Variants in PDXK observed in about 807,000 individuals in gnomAD.
PDXK encodes the protein epididymis secretory sperm binding protein Li 1a.
A neutral mutation model predicts 43.2 loss-of-function variants in PDXK; 15 were observed. That is an observed-to-expected ratio of 0.35 (90% CI 0.23 to 0.53). The LOEUF (loss-of-function observed/expected upper bound fraction) is 0.53. Ranked by LOEUF, PDXK falls within the 20% of genes least tolerant of loss-of-function variation. The pLI is 0.92. For missense variants in PDXK, 343 were observed against 417.0 expected (o/e 0.82, Z 1.54); for synonymous variants, 172 against 165.4 (o/e 1.04, Z -0.31).
In PDXK at chr21:43,756,135, G is replaced by A. The variant is rs913586654; in HGVS notation, c.*72G>A. 38 of 868,402 alleles carry A rather than the reference G, an allele frequency of 4.4e-5. No individual in the cohort carries two copies. In the East Asian group the frequency reaches 8.8e-4, roughly 20 times the overall value. 53.8% of individuals were successfully genotyped at this position (868,402 alleles called of 1,614,324 possible). On this transcript the variant is annotated 3_prime_UTR_variant, in exon 11 of 11. Coordinates refer to ENST00000291565, the MANE Select transcript of PDXK (RefSeq NM_003681.5). ...GTTTGTCCCTGTGAAAACATGTAAC[G>A]TCTGCCTTAGAGCCATGACCGAAAC...
intron 1 of PDXK, among the ~76,000 whole-genome samples, chr21:43,724,302 C>G (rs1240973221): frequency 6.6e-6 from 1 of 152,152 alleles, no homozygotes; most frequent in Non-Finnish European, 1.5e-5. Context: ...GATGTCAGCA[C>G]CTGACTCCTA....
chr21:43,755,693 T>G lies in PDXK; in HGVS notation c.760-5T>G. 1.2e-6 allele frequency: 2 copies of G among 1,612,684 alleles called. No homozygotes were observed. The highest frequency in any genetic ancestry group is 1.7e-6 in the Non-Finnish European group (2 of 1,178,720). ...AGGGGCACAGCAAGTCTGTCCTCCC[T>G]GCAGGTGGCCTGTGAGAAGACCGTG... On this transcript the variant is annotated splice_polypyrimidine_tract_variant and splice_region_variant and intron_variant, in intron 9 of 10. Coordinates refer to ENST00000291565, the MANE Select transcript of PDXK (RefSeq NM_003681.5).
intron 9 of PDXK, among the ~76,000 whole-genome samples, chr21:43,755,090 G>A (rs545753850): frequency 1.3e-5 from 2 of 152,368 alleles, no homozygotes; most frequent in Admixed American, 6.5e-5. Context: ...TCACTGCCAG[G>A]CCGCCCAAGG....
At position 43,729,254 on chromosome 21, in the gene PDXK, A is replaced by AT. The variant is rs1397117756; in HGVS notation, c.88-4815_88-4814insT. Among the ~76,000 whole-genome samples, 4 of 152,382 alleles carry AT rather than the reference A, an allele frequency of 2.6e-5. No homozygotes were observed. The East Asian group carries it at 7.7e-4, about 29-fold the overall frequency. ...GTCCTGTGGCAGCAGTGGGTTTGTC[A>AT]GAGGCCGGGGGCTTTGGCCAGGGCC... On this transcript the variant is annotated intron_variant, in intron 1 of 10. Coordinates refer to ENST00000291565, the MANE Select transcript of PDXK (RefSeq NM_003681.5).
chr21:43,736,815 T>C (rs973339037), intron 2 of PDXK: 7 of 638,058 alleles, frequency 1.1e-5, no homozygotes, highest in Non-Finnish European at 2.0e-5. Context: ...CTATTTTTCA[T>C]AGAGACGGAG....
intron 2 of PDXK, among the ~76,000 whole-genome samples, chr21:43,740,135 C>A (rs2083469927): frequency 6.6e-6 from 1 of 152,074 alleles, no homozygotes. Flanking sequence ...GGTGCACCCC[C>A]CAGATGCCGC....
At chr21:43,755,891 G>C in intron 10 of PDXK, 60 bp from the exon 11 acceptor site, 1 of 1,455,166 alleles carries the variant, frequency 6.9e-7, no homozygotes, top group African/African-American at 1.4e-5. Flanking sequence ...CTCTGGGAGT[G>C]GGGGCAACAG....
At chr21:43,720,751 A>G (rs899269492) in intron 1 of PDXK, among the ~76,000 whole-genome samples, 9 of 152,106 alleles carry the variant, frequency 5.9e-5, no homozygotes, top group Non-Finnish European at 1.3e-4. Flanking sequence ...TTGGGAAGAA[A>G]GGTGCAGGGT....
intron 5 of PDXK, among the ~76,000 whole-genome samples, 159 bp from the exon 6 acceptor site, chr21:43,748,836 G>A (rs569304807): frequency 1.9e-4 from 29 of 152,350 alleles, no homozygotes; most frequent in African/African-American, 7.0e-4. Flanking sequence ...TGTCCCCGTG[G>A]TGGGAACAAC....
chr21:43,734,243 C>T lies in PDXK; in HGVS notation c.142+120C>T, dbSNP rs1168982332. On this transcript the variant is annotated intron_variant, in intron 2 of 10. Transcript: ENST00000291565. This position sits in a 1 kb window ranked among gnomAD's most constrained non-coding sequence, Gnocchi z 5.0. ...GTGAGGGACGGGGCTTTCGTGTGGA[C>T]GGGGACCTGGAGTCCTGGGCGTCGC... 8.5e-6 allele frequency: 8 copies of T among 938,574 alleles called. No individual in the cohort carries two copies. Among genetic ancestry groups the T allele is most frequent in the South Asian group, 2.7e-5 (2 of 74,822 alleles). The allele number at this position is 938,574 out of a possible 1,614,324, so 58.1% of individuals were successfully genotyped here.
intron 5 of PDXK, 98 bp downstream of exon 5, chr21:43,746,223 G>A: frequency 1.0e-6 from 1 of 959,584 alleles, no homozygotes; most frequent in Admixed American, 1.8e-5. Flanking sequence ...CTAACTCGGT[G>A]GGACTCCTCT....
intron 4 of PDXK, 82 bp from the exon 5 acceptor site, chr21:43,745,996 TA>T (rs1568987495): frequency 3.5e-6 from 4 of 1,129,940 alleles, no homozygotes; most frequent in Non-Finnish European, 5.4e-6. Context: ...GACCCTGTCT[TA>T]AAAAAAGAAG....
At position 43,734,815 on chromosome 21, in the gene PDXK, G is replaced by T. The variant is rs894068881; in HGVS notation, c.142+692G>T. On this transcript the variant is annotated intron_variant, in intron 2 of 10. Coordinates refer to ENST00000291565, the MANE Select transcript of PDXK (RefSeq NM_003681.5). The surrounding 1 kb of genome is among the most constrained non-coding windows in gnomAD (Gnocchi z 5.0). ...CTCTCTGTGGTTTCTATACTGCTTC[G>T]TCGGCAGGAGAACAAAGCTGTTCTG... Among the ~76,000 whole-genome samples, 1 of 152,090 alleles carries T rather than the reference G, an allele frequency of 6.6e-6. No individual in the cohort carries two copies. Among genetic ancestry groups the T allele is most frequent in the South Asian group, 2.1e-4 (1 of 4,830 alleles).
chr21:43,750,375 C>A, intron 6 of PDXK, 125 bp from the exon 7 acceptor site: 2 of 828,326 alleles, frequency 2.4e-6, no homozygotes, highest in Non-Finnish European at 3.8e-6. Flanking sequence ...GGCCAGTGGA[C>A]GAAGAGTTAG....
intron 1 of PDXK, among the ~76,000 whole-genome samples, chr21:43,731,000 A>AT (rs981902068): frequency 9.3e-5 from 14 of 150,440 alleles, no homozygotes; most frequent in East Asian, 7.8e-4. Context: ...TTATGACTCA[A>AT]TTTTTTTTTT....
intron 1 of PDXK, among the ~76,000 whole-genome samples, chr21:43,725,947 C>T (rs991145481): frequency 2.0e-5 from 3 of 152,160 alleles, no homozygotes; most frequent in Admixed American, 1.3e-4. Flanking sequence ...TGAGTGTCCT[C>T]GGAACGTTCC....
intron 1 of PDXK, among the ~76,000 whole-genome samples, chr21:43,720,788 G>A (rs1279975692): frequency 6.6e-6 from 1 of 152,204 alleles, no homozygotes; most frequent in African/African-American, 2.4e-5. Flanking sequence ...GCCAGGCAGT[G>A]TGGAACCAGG....
In PDXK at chr21:43,756,765, C is replaced by A. The variant is rs1033411302; in HGVS notation, c.*702C>A. 6.6e-6 allele frequency: 1 copy of A among 152,218 alleles called. No individual in the cohort carries two copies. The highest frequency in any genetic ancestry group is 1.5e-5 in the Non-Finnish European group (1 of 68,076). 9.4% of individuals were successfully genotyped at this position (152,218 alleles called of 1,614,324 possible). A position where few individuals can be genotyped will look rare whatever the true frequency, so the allele number is the denominator to read the frequency against. On this transcript the variant is annotated 3_prime_UTR_variant, in exon 11 of 11. Coordinates refer to ENST00000291565, the MANE Select transcript of PDXK (RefSeq NM_003681.5). Reference sequence around the variant, plus strand: ...CAGCTACCCGCGGGACCTCTTGTAACCCATCGGCATCTTCCAGGAATCCGC... The same window carrying A: ...CAGCTACCCGCGGGACCTCTTGTAAACCATCGGCATCTTCCAGGAATCCGC...
chr21:43,737,671 C>T lies in PDXK; in HGVS notation c.142+3548C>T. On this transcript the variant is annotated intron_variant, in intron 2 of 10. Transcript: ENST00000291565. This position sits in a 1 kb window ranked among gnomAD's most constrained non-coding sequence, Gnocchi z 4.8. The stretch of plus-strand genomic sequence containing the variant: ...GCTGCGGGGCTGGAGAAGGCCAGGG[C>T]CAGGAGCCTGCCGACGGACACCAGC... The T allele has an allele frequency of 3.9e-6, 3 of 776,162 alleles. No homozygotes were observed. Among genetic ancestry groups the T allele is most frequent in the Non-Finnish European group, 4.7e-6 (3 of 643,470 alleles). 48.1% of individuals were successfully genotyped at this position (776,162 alleles called of 1,614,324 possible). A position where few individuals can be genotyped will look rare whatever the true frequency, so the allele number is the denominator to read the frequency against.
Sources: allele counts gnomAD v4.1 joint callset (sites outside exome capture counted in the v4.1 genomes callset), GRCh38; gene constraint gnomAD v4.1.1; non-coding constraint Gnocchi (gnomAD v3.1); transcripts MANE v1.5; gene names NCBI Gene and HGNC (gene_info 2026-07-23, HGNC 2026-07-21).